MYO7A: variants seen among roughly 807,000 people sequenced by gnomAD.
MYO7A encodes myosin VIIA, also known as unconventional myosin-VIIa.
MYO7A carries 210 observed loss-of-function variants against 263.8 expected under a neutral mutation model. The observed-to-expected ratio is 0.80, with a 90% CI of 0.71 to 0.89. The LOEUF (loss-of-function observed/expected upper bound fraction) is 0.89, where lower values mean the gene tolerates loss of function less well. MYO7A is among the 40% of genes least tolerant of loss of function. The pLI is 0.00. For missense variants in MYO7A, 2,820 were observed against 2,968.3 expected (o/e 0.95, Z 1.16); for synonymous variants, 1,239 against 1,197.3 (o/e 1.03, Z -0.72).
At chr11:77,167,010 G>A (rs1341071100) in intron 15 of MYO7A, among the ~76,000 whole-genome samples, 5 of 152,250 alleles carry the variant, frequency 3.3e-5, no homozygotes, top group African/African-American at 9.6e-5. Flanking sequence ...ACCCCAGCCC[G>A]GGGCTGAGGA....
intron 46 of MYO7A, 115 bp downstream of exon 46, chr11:77,212,052 G>A: frequency 1.2e-6 from 1 of 862,398 alleles, no homozygotes. Flanking sequence ...CTGCCCTGGT[G>A]AGGGAAGGAG....
chr11:77,181,769 T>A, intron 23 of MYO7A, among the ~76,000 whole-genome samples, 180 bp downstream of exon 23: 1 of 35,584 alleles, frequency 2.8e-5, no homozygotes, highest in South Asian at 4.1e-4. Flanking sequence ...CTTCTCAAGT[T>A]TTTTTTTTTG....
In MYO7A at chr11:77,211,173, G is replaced by T; in HGVS notation, c.6073G>T (p.Gly2025Cys). Residue 2025 changes from glycine to cysteine, a missense_variant, in exon 45 of 49, where the codon GGC becomes TGC. By Grantham distance (159) the Gly-to-Cys change is radical. Transcript: ENST00000409709. ...ACAGGAGTTGCCCAAGTATCTCCGAGGCTACCACAAGTGCACGCGGGAGGA... is the reference window on the plus strand; with the variant it reads ...ACAGGAGTTGCCCAAGTATCTCCGATGCTACCACAAGTGCACGCGGGAGGA... The part of the protein sequence containing the change: ...YYQELPKYLR[G>C]YHKCTREEVL... The T allele has an allele frequency of 6.3e-7, 1 of 1,587,786 alleles. No individual in the cohort carries two copies. Among genetic ancestry groups the T allele is most frequent in the East Asian group, 2.3e-5 (1 of 43,622 alleles).
rs111033184 is a variant in MYO7A at position 77,213,988 on chromosome 11, G to T, written c.6558+9G>T. On this transcript the variant is annotated intron_variant, in intron 48 of 48. Coordinates refer to ENST00000409709, the MANE Select transcript of MYO7A (RefSeq NM_000260.4). Reference sequence around the variant, plus strand: ...TCTGCGAGACGTCACTGGTGAGGGCGCATCCTGCTGGGCCTAGTGGGCTCC... The same window carrying T: ...TCTGCGAGACGTCACTGGTGAGGGCTCATCCTGCTGGGCCTAGTGGGCTCC... 6.2e-7 allele frequency: 1 copy of T among 1,613,930 alleles called. No individual in the cohort carries two copies. The highest frequency in any genetic ancestry group is 8.5e-7 in the Non-Finnish European group (1 of 1,179,834).
chr11:77,159,403 G>GCCCCCCCCCCCCCCCCC, intron 9 of MYO7A, 44 bp from the exon 10 acceptor site: 3 of 711,720 alleles, frequency 4.2e-6, no homozygotes, highest in Non-Finnish European at 7.5e-6. Context: ...TGCCCCTGTT[G>GCCCCCCCCCCCCCCCCC]CCCACCCTCC....
At chr11:77,153,851 C>A (rs1223615915) in intron 4 of MYO7A, among the ~76,000 whole-genome samples, 1 of 152,228 alleles carries the variant, frequency 6.6e-6, no homozygotes, top group Non-Finnish European at 1.5e-5. Context: ...GCCCTCACAC[C>A]CCAGCCTCCC....
rs1954081517 is a variant in MYO7A, at chr11:77,171,431, C to T, written c.1798-1317C>T. ...CCACCACCCTACCGCATTGCAAATA[C>T]TCCCCAGCTTCTCTGGGCAAAGTCC... is the stretch of plus-strand genomic sequence containing the variant. On this transcript the variant is annotated intron_variant, in intron 15 of 48. Coordinates refer to ENST00000409709, the MANE Select transcript of MYO7A (RefSeq NM_000260.4). 3.9e-5 allele frequency among the ~76,000 whole-genome samples: 6 copies of T among 152,344 alleles called. No homozygotes were observed. In the South Asian group the frequency reaches 1.2e-3, roughly 32 times the overall value.
Position 77,128,306 on chromosome 11 carries a change from G to C in MYO7A, c.-230G>C, listed in dbSNP as rs986000652. 6.5e-6 allele frequency: 1 copy of C among 152,872 alleles called. No individual in the cohort carries two copies. The highest frequency in any genetic ancestry group is 2.1e-4 in the South Asian group (1 of 4,832). 9.5% of individuals were successfully genotyped at this position (152,872 alleles called of 1,614,324 possible). On this transcript the variant is annotated 5_prime_UTR_variant, in exon 1 of 49. Transcript: ENST00000409709. ...GAGGGAGAGACAAGAGACACACACA[G>C]AGAGACGGCGAGGAAGGGAAAGACC...
At chr11:77,136,776 A>T (rs1950919682) in intron 2 of MYO7A, among the ~76,000 whole-genome samples, 1 of 152,208 alleles carries the variant, frequency 6.6e-6, no homozygotes, top group Non-Finnish European at 1.5e-5. Flanking sequence ...GCCCAAGGTA[A>T]CACAGCTTGT....
At chr11:77,158,537 C>G (rs1316102388) in intron 9 of MYO7A, 107 bp downstream of exon 9, 8 of 1,346,770 alleles carry the variant, frequency 5.9e-6, no homozygotes, top group African/African-American at 1.5e-5. Flanking sequence ...AGCACGTGCC[C>G]TCTTTGGGAT....
chr11:77,140,313 A>T (rs782339837), intron 2 of MYO7A, among the ~76,000 whole-genome samples: 22 of 152,224 alleles, frequency 1.4e-4, no homozygotes, highest in Non-Finnish European at 1.5e-4. Context: ...GGACTCTATC[A>T]GTGTTTCCTG....
chr11:77,138,463 G>T lies in MYO7A; in HGVS notation c.19-4246G>T, dbSNP rs968362843. Among the ~76,000 whole-genome samples the T allele has an allele frequency of 2.0e-5, 3 of 152,142 alleles. No individual in the cohort carries two copies. The highest frequency in any genetic ancestry group is 2.9e-5 in the Non-Finnish European group (2 of 68,008). ...GGAGAAGGGAGGGGGAGGGCGCCTC[G>T]CCCCGGGCCTCAGTTTCCCCGCCTG... is the stretch of plus-strand genomic sequence containing the variant. On this transcript the variant is annotated intron_variant, in intron 2 of 48. Coordinates refer to ENST00000409709, the MANE Select transcript of MYO7A (RefSeq NM_000260.4). This position sits in a 1 kb window ranked among gnomAD's most constrained non-coding sequence, Gnocchi z 4.9.
intron 27 of MYO7A, among the ~76,000 whole-genome samples, chr11:77,186,297 G>T (rs1955640756): frequency 6.6e-6 from 1 of 152,206 alleles, no homozygotes; most frequent in South Asian, 2.1e-4. Flanking sequence ...AGTCAGCAGT[G>T]CATTAGCTCC....
chr11:77,210,402 G>GGTGGATGGGTC (rs1565486983), intron 44 of MYO7A, among the ~76,000 whole-genome samples: 15 of 151,844 alleles, frequency 9.9e-5, no homozygotes, highest in African/African-American at 3.6e-4. Context: ...GTAGGTGAGT[G>GGTGGATGGGTC]GGTGGATGGG....
chr11:77,130,537 G>T, intron 1 of MYO7A, 52 bp from the exon 2 acceptor site: 1 of 1,459,700 alleles, frequency 6.9e-7, no homozygotes, highest in South Asian at 1.2e-5. Flanking sequence ...CCAGGCTCAA[G>T]GCTTCCAGGG....
rs1300032400 is a variant in MYO7A at position 77,208,453 on chromosome 11, C to T, written c.5880C>T (p.Asp1960=). The T allele has an allele frequency of 1.9e-6, 3 of 1,613,418 alleles. No homozygotes were observed. The highest frequency in any genetic ancestry group is 2.2e-5 in the South Asian group (2 of 90,998). The part of the protein sequence containing the change: ...ADKVLSVPEN[D]FFFDFVRHLT... ...AGGTCCTCAGCGTTCCTGAGAATGA[C>T]TTCTTCTTTGACTTTGTTCGACACT... The change falls in exon 43 of 49, where the codon GAC becomes GAT. Residue 1960 remains aspartate (D), a synonymous_variant. Transcript: ENST00000409709.
At chr11:77,173,056 G>T (rs530889829) in intron 16 of MYO7A, among the ~76,000 whole-genome samples, 171 bp downstream of exon 16, 1 of 152,152 alleles carries the variant, frequency 6.6e-6, no homozygotes, top group Non-Finnish European at 1.5e-5. Flanking sequence ...GAGGCAGCAG[G>T]TGCCTTGGAA....
chr11:77,190,108 G>A lies in MYO7A; in HGVS notation c.3719G>A (p.Arg1240Gln), dbSNP rs111033178. 149 of 1,575,050 alleles carry A rather than the reference G, an allele frequency of 9.5e-5. No individual in the cohort carries two copies. The highest frequency in any genetic ancestry group is 1.2e-4 in the Non-Finnish European group (142 of 1,160,926). ...AGAAGGACCTTTGTCAATGGGACACGGACACAGCCGCCCAGCTGGCTGGAG... is the reference window on the plus strand; with the variant it reads ...AGAAGGACCTTTGTCAATGGGACACAGACACAGCCGCCCAGCTGGCTGGAG... ...RLRRTFVNGT[R>Q]TQPPSWLELQ... The change falls in exon 29 of 49, where the codon CGG becomes CAG. Residue 1240 changes from arginine to glutamine, a missense_variant. Physicochemically the swap from Arg to Gln is conservative, Grantham distance 43 (BLOSUM62 1). Transcript: ENST00000409709.
chr11:77,155,569 G>A (rs1952377472), intron 4 of MYO7A, among the ~76,000 whole-genome samples: 1 of 152,236 alleles, frequency 6.6e-6, no homozygotes, highest in African/African-American at 2.4e-5. Context: ...AGAGTACCTA[G>A]TGTGTGCCAC....
Sources: allele counts gnomAD v4.1 joint callset (sites outside exome capture counted in the v4.1 genomes callset), GRCh38; gene constraint gnomAD v4.1.1; non-coding constraint Gnocchi (gnomAD v3.1); transcripts MANE v1.5; gene names NCBI Gene and HGNC (gene_info 2026-07-23, HGNC 2026-07-21).